RGS7: variants seen among roughly 807,000 people sequenced by gnomAD.
RGS7 encodes the protein regulator of G protein signaling 7.
Under a neutral mutation model 81.1 loss-of-function variants are expected in RGS7, and 27 were observed. The observed-to-expected ratio is 0.33, with a 90% confidence interval of 0.25 to 0.46. The LOEUF (loss-of-function observed/expected upper bound fraction) is 0.46, where lower values mean the gene tolerates loss of function less well. RGS7 is among the 20% of genes least tolerant of loss of function. RGS7 has a pLI of 1.00. For missense variants in RGS7, 396 were observed against 607.4 expected (o/e 0.65, Z 3.66); for synonymous variants, 208 against 207.7 (o/e 1.00, Z -0.01).
intron 6 of RGS7, among the ~76,000 whole-genome samples, chr1:240,913,462 T>C (rs1355609651): frequency 6.6e-6 from 1 of 152,196 alleles, no homozygotes. Flanking sequence ...AGGAGTAGAA[T>C]ACTTTCGGCC....
chr1:241,327,309 G>C (rs539322702), intron 2 of RGS7, among the ~76,000 whole-genome samples: 2 of 152,086 alleles, frequency 1.3e-5, no homozygotes, highest in African/African-American at 4.8e-5. Context: ...CATGCCTATA[G>C]GAAATATAGC....
At chr1:241,215,189 T>C (rs2074474324) in intron 2 of RGS7, among the ~76,000 whole-genome samples, 1 of 152,214 alleles carries the variant, frequency 6.6e-6, no homozygotes, top group African/African-American at 2.4e-5. Flanking sequence ...AAATTACTAA[T>C]GAATCACCCT....
Position 241,169,633 on chromosome 1 carries a change from C to G in RGS7, c.79-70871G>C, listed in dbSNP as rs73131637. Among the ~76,000 whole-genome samples the G allele has an allele frequency of 2.7e-3, 410 of 152,012 alleles. 2 individuals carry two copies. Among genetic ancestry groups the G allele is most frequent in the African/African-American group, 9.4e-3 (388 of 41,478 alleles). Reference sequence around the variant, plus strand: ...GCTGGGATTACAGGCGTGAACCACCCGCACCTGGCCTGTATATGTGTTTCT... The same window carrying G: ...GCTGGGATTACAGGCGTGAACCACCGGCACCTGGCCTGTATATGTGTTTCT... On this transcript the variant is annotated intron_variant, in intron 2 of 18. Transcript: ENST00000440928.
chr1:240,945,739 G>A (rs1354961721), intron 4 of RGS7, among the ~76,000 whole-genome samples: 6 of 152,190 alleles, frequency 3.9e-5, no homozygotes, highest in African/African-American at 1.2e-4. Context: ...TGAGAAAAGT[G>A]TGTAGGACGT....
chr1:240,952,936 G>C (rs1341319999), intron 4 of RGS7, among the ~76,000 whole-genome samples: 1 of 151,856 alleles, frequency 6.6e-6, no homozygotes, highest in African/African-American at 2.4e-5. Context: ...TTCATAACAA[G>C]CAAGTTTATC....
chr1:241,004,647 A>G (rs1322549314), intron 3 of RGS7, among the ~76,000 whole-genome samples: 2 of 152,170 alleles, frequency 1.3e-5, no homozygotes. Flanking sequence ...ATATGACTGG[A>G]CAGAAAGGGA....
chr1:241,138,443 G>A (rs1359870851), intron 2 of RGS7, among the ~76,000 whole-genome samples: 2 of 152,124 alleles, frequency 1.3e-5, no homozygotes, highest in Non-Finnish European at 2.9e-5. Context: ...CCTCACATGT[G>A]TATAGGGGAG....
At chr1:241,127,408 C>T (rs1473219672) in intron 2 of RGS7, among the ~76,000 whole-genome samples, 1 of 152,140 alleles carries the variant, frequency 6.6e-6, no homozygotes, top group Non-Finnish European at 1.5e-5. Flanking sequence ...AATCCCTACT[C>T]GACAGCCATC....
chr1:240,960,768 T>C (rs1436950921), intron 4 of RGS7, among the ~76,000 whole-genome samples: 1 of 152,088 alleles, frequency 6.6e-6, no homozygotes, highest in East Asian at 1.9e-4. Context: ...TAAAAGAAAG[T>C]AACTATAATA....
At chr1:241,127,017 A>G (rs1479738156) in intron 2 of RGS7, among the ~76,000 whole-genome samples, 4 of 152,182 alleles carry the variant, frequency 2.6e-5, no homozygotes, top group African/African-American at 9.7e-5. Context: ...AAGGTAATTT[A>G]GAAGATAAAT....
chr1:240,958,983 T>C (rs78257238), intron 4 of RGS7, among the ~76,000 whole-genome samples: 4,178 of 152,372 alleles, frequency 0.027, 94 homozygotes, highest in African/African-American at 0.067. Context: ...TCTGTTTGCC[T>C]GGCCGTGCAC....
At chr1:241,198,499 A>G (rs2073249559) in intron 2 of RGS7, among the ~76,000 whole-genome samples, 1 of 152,136 alleles carries the variant, frequency 6.6e-6, no homozygotes, top group African/African-American at 2.4e-5. Context: ...CAATGAGATT[A>G]TTACAGCTCA....
At chr1:241,115,561 T>A (rs573630555) in intron 2 of RGS7, among the ~76,000 whole-genome samples, 3 of 152,320 alleles carry the variant, frequency 2.0e-5, no homozygotes, top group South Asian at 4.1e-4. Flanking sequence ...CCCCATTGTA[T>A]GTGTATTGAT....
At chr1:241,148,329 G>A (rs945820479) in intron 2 of RGS7, among the ~76,000 whole-genome samples, 9 of 152,056 alleles carry the variant, frequency 5.9e-5, no homozygotes, top group Non-Finnish European at 1.0e-4. Flanking sequence ...GGGATTACAG[G>A]CATGAGCCAC....
chr1:241,104,524 CA>C (rs2102917164), intron 2 of RGS7, among the ~76,000 whole-genome samples: 1 of 152,268 alleles, frequency 6.6e-6, no homozygotes, highest in South Asian at 2.1e-4. Flanking sequence ...TCACTTTTAA[CA>C]AAATGAAAAC....
chr1:241,296,511 T>C (rs1158696765), intron 2 of RGS7, among the ~76,000 whole-genome samples: 2 of 152,230 alleles, frequency 1.3e-5, no homozygotes, highest in Admixed American at 6.5e-5. Context: ...CAATAGACAC[T>C]TTCCTGTGGG....
chr1:240,980,442 C>G (rs147351802), intron 4 of RGS7, among the ~76,000 whole-genome samples: 1 of 152,118 alleles, frequency 6.6e-6, no homozygotes, highest in Admixed American at 6.5e-5. Context: ...TTCAAACGAC[C>G]ACTTGGCTAC....
intron 2 of RGS7, among the ~76,000 whole-genome samples, chr1:241,125,398 T>C (rs4492602): frequency 0.016 from 2,347 of 151,182 alleles, 61 homozygotes; most frequent in East Asian, 0.06. Context: ...CCTCCAATCA[T>C]CTAGATACCC....
At chr1:241,185,741 A>C (rs2072036337) in intron 2 of RGS7, among the ~76,000 whole-genome samples, 1 of 152,170 alleles carries the variant, frequency 6.6e-6, no homozygotes, top group Admixed American at 6.5e-5. Context: ...AAATAACCAT[A>C]AGCCAAAGAA....
Sources: allele counts gnomAD v4.1 joint callset (sites outside exome capture counted in the v4.1 genomes callset), GRCh38; gene constraint gnomAD v4.1.1; transcripts MANE v1.5; gene names NCBI Gene and HGNC (gene_info 2026-07-23, HGNC 2026-07-21).